Variants in MAP4K5 observed in about 807,000 individuals in gnomAD.
MAP4K5 encodes the protein mitogen-activated protein kinase kinase kinase kinase 5, also known as MAPK/ERK kinase kinase kinase 5.
MAP4K5 carries 82 observed loss-of-function variants against 135.6 expected under a neutral mutation model. That is an observed-to-expected ratio of 0.60 (90% confidence interval 0.51 to 0.73). The LOEUF (loss-of-function observed/expected upper bound fraction) is 0.73. Among genes scored for constraint, MAP4K5 ranks in the 30% least tolerant of loss-of-function variants. The pLI, the probability that MAP4K5 is intolerant of heterozygous loss-of-function variation, is 0.00. For synonymous variants in MAP4K5, 347 were observed against 335.0 expected (o/e 1.04, Z -0.39); for missense variants, 907 against 1,010.9 (o/e 0.90, Z 1.39).
chr14:50,458,527 A>T (rs369839680), intron 13 of MAP4K5, among the ~76,000 whole-genome samples: 1 of 152,306 alleles, frequency 6.6e-6, no homozygotes, highest in East Asian at 1.9e-4. Context: ...TATCTCTGTT[A>T]AACTCATCAA....
intron 31 of MAP4K5, 87 bp downstream of exon 31, chr14:50,425,820 A>T: frequency 2.3e-6 from 2 of 856,088 alleles, no homozygotes; most frequent in Non-Finnish European, 3.8e-6. Context: ...ACAGTAATGT[A>T]GGTTCAGAGA....
chr14:50,434,705 A>AT, intron 27 of MAP4K5, 134 bp from the exon 28 acceptor site: 1 of 817,520 alleles, frequency 1.2e-6, no homozygotes, highest in Non-Finnish European at 1.9e-6. Flanking sequence ...CTCTAAGATG[A>AT]TAAGAAGGAT....
intron 1 of MAP4K5, chr14:50,560,606 A>G: frequency 2.3e-6 from 1 of 429,512 alleles, no homozygotes; most frequent in Non-Finnish European, 4.3e-6. Context: ...GCCTCCGGGG[A>G]CTTGTGGGTT....
At chr14:50,434,358 A>G (rs1359427347) in intron 28 of MAP4K5, 36 bp downstream of exon 28, 1 of 1,526,334 alleles carries the variant, frequency 6.6e-7, no homozygotes, top group African/African-American at 1.4e-5. Context: ...ATAGGCAAAA[A>G]TATCAATATT....
rs1312041712 is a variant in MAP4K5 at position 50,446,091 on chromosome 14, G to A, written c.1173C>T (p.Pro391=). 1.3e-6 allele frequency: 2 copies of A among 1,568,896 alleles called. No individual in the cohort carries two copies. Among genetic ancestry groups the A allele is most frequent in the Non-Finnish European group, 1.7e-6 (2 of 1,159,920 alleles). ...KSTSKRAIPP[P]LPPKPRISSY... is the part of the protein sequence containing the mutation. ...TTAAGTAGCTCACCTTAGGAGGTAG[G>A]GGAGGTGGTATTGCACGTTTTGAGG... is the stretch of plus-strand genomic sequence containing the variant. Residue 391 remains proline, a synonymous_variant, in exon 17 of 33, where the codon CCC becomes CCT. Coordinates refer to ENST00000682126, the MANE Select transcript of MAP4K5 (RefSeq NM_006575.6).
At chr14:50,432,945 C>A (rs1156618892) in intron 28 of MAP4K5, among the ~76,000 whole-genome samples, 1 of 152,120 alleles carries the variant, frequency 6.6e-6, no homozygotes, top group African/African-American at 2.4e-5. Context: ...TCATGCGATT[C>A]TCCTGCCTCA....
rs557467804 is a variant in MAP4K5, at chr14:50,463,206, CAT to C, written c.820-427_820-426del. ...GTAAAATTATGTTAATTTACAAAGA[CAT>C]ATATAATTAAATATTGGCATGTCAG... On this transcript the variant is annotated intron_variant, in intron 12 of 32. Coordinates refer to ENST00000682126, the MANE Select transcript of MAP4K5 (RefSeq NM_006575.6). 5.7e-3 allele frequency among the ~76,000 whole-genome samples: 871 copies of C among 152,198 alleles called. 8 individuals are homozygous for C. Among genetic ancestry groups the C allele is most frequent in the African/African-American group, 0.019 (808 of 41,508 alleles).
intron 16 of MAP4K5, among the ~76,000 whole-genome samples, chr14:50,447,175 G>A (rs568857688): frequency 6.6e-6 from 1 of 152,234 alleles, no homozygotes; most frequent in African/African-American, 2.4e-5. Context: ...ATGACATCAT[G>A]TGACTCACCT....
intron 14 of MAP4K5, among the ~76,000 whole-genome samples, chr14:50,451,555 C>T (rs1181958354): frequency 6.6e-6 from 1 of 152,116 alleles, no homozygotes; most frequent in Non-Finnish European, 1.5e-5. Flanking sequence ...AAGTTTCATA[C>T]TGCAGTACCT....
At chr14:50,467,323 T>G (rs1043849563) in intron 10 of MAP4K5, among the ~76,000 whole-genome samples, 10 of 151,970 alleles carry the variant, frequency 6.6e-5, no homozygotes, top group Non-Finnish European at 8.8e-5. Flanking sequence ...AACAAATACA[T>G]TTTTCCTTTC....
At position 50,434,445 on chromosome 14, in the gene MAP4K5, C is replaced by G; in HGVS notation, c.2113G>C (p.Glu705Gln). ...GTESNQVVQF[E>Q]TINLNSASSW... Reference sequence around the variant, plus strand: ...GATGCAGAGTTCAAATTGATTGTCTCAAACTGAACTACCTGATTCGATTCA... The same window carrying G: ...GATGCAGAGTTCAAATTGATTGTCTGAAACTGAACTACCTGATTCGATTCA... The change falls in exon 28 of 33, where the codon GAG becomes CAG. Residue 705 changes from glutamate to glutamine, a missense_variant. Around this residue, in one of 3 missense-constraint regions of MAP4K5, gnomAD observed 690 missense variants for 777.4 expected, o/e 0.89. Transcript: ENST00000682126. 1 of 1,610,080 alleles carries G rather than the reference C, an allele frequency of 6.2e-7. No individual in the cohort carries two copies. Among genetic ancestry groups the G allele is most frequent in the South Asian group, 1.1e-5 (1 of 90,140 alleles).
chr14:50,459,165 C>G (rs542382317), intron 13 of MAP4K5, among the ~76,000 whole-genome samples: 1 of 152,320 alleles, frequency 6.6e-6, no homozygotes, highest in Non-Finnish European at 1.5e-5. Flanking sequence ...AATGACATAT[C>G]TAGCTCCTTA....
chr14:50,442,623 G>A, intron 21 of MAP4K5, 109 bp downstream of exon 21: 1 of 758,364 alleles, frequency 1.3e-6, no homozygotes, highest in South Asian at 1.7e-5. Context: ...ATACCATTAG[G>A]TCTCTAAAGT....
chr14:50,490,325 G>T (rs2037457507), intron 3 of MAP4K5, among the ~76,000 whole-genome samples: 1 of 152,134 alleles, frequency 6.6e-6, no homozygotes, highest in African/African-American at 2.4e-5. Context: ...TCCTAAAACT[G>T]GCTTGAGCCC....
At chr14:50,495,821 C>T (rs2037579624) in intron 3 of MAP4K5, among the ~76,000 whole-genome samples, 1 of 152,172 alleles carries the variant, frequency 6.6e-6, no homozygotes, top group Non-Finnish European at 1.5e-5. Context: ...AGGACAAATA[C>T]TGTATGATTC....
chr14:50,524,405 G>T (rs1412867618), intron 2 of MAP4K5, among the ~76,000 whole-genome samples: 1 of 151,828 alleles, frequency 6.6e-6, no homozygotes, highest in Non-Finnish European at 1.5e-5. Context: ...CATATTTATT[G>T]ACCACATACT....
At chr14:50,434,605 A>G (rs1304469300) in intron 27 of MAP4K5, 34 bp from the exon 28 acceptor site, 2 of 1,542,542 alleles carry the variant, frequency 1.3e-6, no homozygotes, top group Non-Finnish European at 1.8e-6. Context: ...GCCATAATTC[A>G]GAAACAATCT....
intron 9 of MAP4K5, among the ~76,000 whole-genome samples, chr14:50,473,667 C>A (rs1283003623): frequency 6.7e-6 from 1 of 149,738 alleles, no homozygotes; most frequent in East Asian, 1.9e-4. Flanking sequence ...TTCAGAAAGC[C>A]TTCCTCAGCT....
intron 30 of MAP4K5, among the ~76,000 whole-genome samples, chr14:50,427,751 G>T (rs999987043): frequency 2.6e-5 from 4 of 152,128 alleles, no homozygotes; most frequent in Non-Finnish European, 5.9e-5. Context: ...ATAATAAACT[G>T]TAATAATTTT....
Sources: allele counts gnomAD v4.1 joint callset (sites outside exome capture counted in the v4.1 genomes callset), GRCh38; gene constraint gnomAD v4.1.1; regional missense constraint gnomAD v4.1.1; transcripts MANE v1.5; gene names NCBI Gene and HGNC (gene_info 2026-07-23, HGNC 2026-07-21).